Variants in TRPM3 observed in about 807,000 individuals in gnomAD.
TRPM3 encodes the protein long transient receptor potential channel 3.
A neutral mutation model predicts 181.2 loss-of-function variants in TRPM3; 77 were observed. The observed-to-expected ratio is 0.42, with a 90% CI of 0.35 to 0.51. TRPM3 has a LOEUF of 0.51. Ranked by LOEUF, TRPM3 falls within the 20% of genes least tolerant of loss-of-function variation. The pLI is 0.01. For synonymous variants in TRPM3, 745 were observed against 796.4 expected, an observed-to-expected ratio of 0.94 and a Z score of 1.09; for missense variants, 1,759 against 2,196.7, an observed-to-expected ratio of 0.80 and a Z score of 3.98.
At chr9:70,836,646 C>T (rs2094342417) in intron 5 of TRPM3, among the ~76,000 whole-genome samples, 1 of 152,166 alleles carries the variant, frequency 6.6e-6, no homozygotes, top group Non-Finnish European at 1.5e-5. Context: ...TTTGCTTCTA[C>T]CTCTCAGACA....
At chr9:71,324,747 AAAGT>A (rs1317172542) in intron 1 of TRPM3, among the ~76,000 whole-genome samples, 1 of 152,136 alleles carries the variant, frequency 6.6e-6, no homozygotes, top group Non-Finnish European at 1.5e-5. Context: ...ACGCATAAAG[AAAGT>A]GTGGTATATA....
At chr9:71,436,299 T>TTTC (rs1563930016) in intron 1 of TRPM3, among the ~76,000 whole-genome samples, 1 of 7,364 alleles carries the variant, frequency 1.4e-4, no homozygotes, top group Admixed American at 3.1e-3. Flanking sequence ...TTTTTCTTTC[T>TTTC]TTTTTTTTTT....
chr9:70,769,996 GT>G (rs2079911155), intron 7 of TRPM3, among the ~76,000 whole-genome samples: 1 of 152,162 alleles, frequency 6.6e-6, no homozygotes, highest in African/African-American at 2.4e-5. Flanking sequence ...ATGGCATAAA[GT>G]TTTACAATCC....
chr9:71,093,697 G>A (rs1366887752), intron 1 of TRPM3, among the ~76,000 whole-genome samples: 7 of 152,130 alleles, frequency 4.6e-5, no homozygotes, highest in Admixed American at 2.0e-4. Context: ...CGAGGATCTA[G>A]AACCAGAAAT....
chr9:71,150,818 G>A lies in TRPM3; in HGVS notation c.184-286307C>T, dbSNP rs891998366. Among the ~76,000 whole-genome samples, 7 of 152,120 alleles carry A rather than the reference G, an allele frequency of 4.6e-5. No homozygotes were observed. The East Asian group carries it at 9.6e-4, about 21-fold the overall frequency. ...GAAAATTCTTAGGAAAGAATTTAAT[G>A]AAGAGGGAGTGAAGAATGGTTTTAT... On this transcript the variant is annotated intron_variant, in intron 1 of 24. Transcript: ENST00000357533.
At chr9:70,983,919 G>A (rs1178798189) in intron 1 of TRPM3, among the ~76,000 whole-genome samples, 1 of 152,182 alleles carries the variant, frequency 6.6e-6, no homozygotes, top group Non-Finnish European at 1.5e-5. Context: ...CTACATAGCA[G>A]GTTGGCTTCC....
At chr9:70,882,661 G>A (rs915119262) in intron 1 of TRPM3, among the ~76,000 whole-genome samples, 11 of 152,098 alleles carry the variant, frequency 7.2e-5, no homozygotes, top group East Asian at 3.9e-4. Flanking sequence ...CATAAAGTAT[G>A]CTCTGAAAAT....
At chr9:71,399,749 T>C (rs1231392830) in intron 1 of TRPM3, among the ~76,000 whole-genome samples, 1 of 152,084 alleles carries the variant, frequency 6.6e-6, no homozygotes, top group African/African-American at 2.4e-5. Flanking sequence ...GCCAGGATGG[T>C]CTTGATCTCC....
chr9:71,400,368 T>C (rs1295251794), intron 1 of TRPM3, among the ~76,000 whole-genome samples: 1 of 152,172 alleles, frequency 6.6e-6, no homozygotes, highest in Admixed American at 6.5e-5. Context: ...AATTGAGATA[T>C]TTTGGTATTA....
At chr9:71,018,783 C>T (rs898198145) in intron 1 of TRPM3, among the ~76,000 whole-genome samples, 1 of 151,654 alleles carries the variant, frequency 6.6e-6, no homozygotes, top group African/African-American at 2.4e-5. Context: ...GAATATTTCC[C>T]AAGTCACGAT....
chr9:71,176,001 G>C (rs1463552456), intron 1 of TRPM3, among the ~76,000 whole-genome samples: 1 of 151,978 alleles, frequency 6.6e-6, no homozygotes. Flanking sequence ...TGGTGATCTT[G>C]GTGTAAACAG....
intron 1 of TRPM3, among the ~76,000 whole-genome samples, chr9:71,320,672 AT>A (rs1382375396): frequency 6.6e-6 from 1 of 152,024 alleles, no homozygotes; most frequent in Non-Finnish European, 1.5e-5. Context: ...TGGCAATCTC[AT>A]TCAGTCCCAA....
chr9:71,005,419 C>T (rs2097663159), intron 1 of TRPM3, among the ~76,000 whole-genome samples: 1 of 151,810 alleles, frequency 6.6e-6, no homozygotes, highest in Admixed American at 6.6e-5. Context: ...AAAAAAAAAC[C>T]TCATAGGCTC....
At chr9:70,875,663 A>G (rs2095857741) in intron 1 of TRPM3, among the ~76,000 whole-genome samples, 1 of 151,946 alleles carries the variant, frequency 6.6e-6, no homozygotes, top group South Asian at 2.1e-4. Context: ...CTTTTGCCTC[A>G]TCCCCTACTA....
intron 1 of TRPM3, among the ~76,000 whole-genome samples, chr9:71,119,030 G>GA (rs1587441575): frequency 6.6e-6 from 1 of 151,982 alleles, no homozygotes; most frequent in Non-Finnish European, 1.5e-5. Context: ...CAATCCATAG[G>GA]AAAAAAATAC....
chr9:71,301,732 A>T (rs1287159699), intron 1 of TRPM3, among the ~76,000 whole-genome samples: 1 of 152,174 alleles, frequency 6.6e-6, no homozygotes, highest in Non-Finnish European at 1.5e-5. Flanking sequence ...TTTAAATTCC[A>T]GCTGGGCTGT....
chr9:71,058,909 G>A (rs1438748274), intron 1 of TRPM3, among the ~76,000 whole-genome samples: 1 of 151,412 alleles, frequency 6.6e-6, no homozygotes, highest in Admixed American at 6.6e-5. Flanking sequence ...ACACTGCTGG[G>A]TGGTGCTTTC....
chr9:71,232,370 G>A (rs189067537), intron 1 of TRPM3, among the ~76,000 whole-genome samples: 4 of 151,862 alleles, frequency 2.6e-5, no homozygotes, highest in Admixed American at 1.3e-4. Flanking sequence ...CAAGACACAT[G>A]CTATCAATGA....
At chr9:70,921,492 G>C (rs1280518976) in intron 1 of TRPM3, among the ~76,000 whole-genome samples, 12 of 152,296 alleles carry the variant, frequency 7.9e-5, no homozygotes, top group African/African-American at 2.9e-4. Context: ...ACCTTGAATA[G>C]TCCAGGAAAC....
Sources: allele counts gnomAD v4.1 joint callset (sites outside exome capture counted in the v4.1 genomes callset), GRCh38; gene constraint gnomAD v4.1.1; transcripts MANE v1.5; gene names NCBI Gene and HGNC (gene_info 2026-07-23, HGNC 2026-07-21).